RABGAP1L: variants seen among roughly 807,000 people sequenced by gnomAD.
RABGAP1L encodes the protein RAB GTPase activating protein 1 like, also known as rab GTPase-activating protein 1-like.
RABGAP1L carries 63 observed loss-of-function variants against 137.7 expected under a neutral mutation model. The ratio of observed to expected loss-of-function variants is 0.46; its 90% CI spans 0.37 to 0.56. The LOEUF (loss-of-function observed/expected upper bound fraction) is 0.56. RABGAP1L is among the 20% of genes least tolerant of loss of function. The probability of loss-of-function intolerance (pLI) is 0.00; values close to 1 mark genes in which losing one functional copy is unlikely to be tolerated. For missense variants in RABGAP1L, 1,095 were observed against 1,244.0 expected (o/e 0.88, Z 1.80); for synonymous variants, 431 against 433.7 (o/e 0.99, Z 0.08).
At chr1:174,778,584 A>T (rs866373234) in intron 18 of RABGAP1L, among the ~76,000 whole-genome samples, 1 of 151,946 alleles carries the variant, frequency 6.6e-6, no homozygotes, top group African/African-American at 2.4e-5. Context: ...TTCAACAATA[A>T]GTCCTTGAAC....
chr1:174,561,259 A>G (rs1287972901), intron 13 of RABGAP1L, among the ~76,000 whole-genome samples: 1 of 152,230 alleles, frequency 6.6e-6, no homozygotes, highest in Non-Finnish European at 1.5e-5. Flanking sequence ...CCCATTCACA[A>G]TTGCTATAAA....
At chr1:174,418,684 A>G (rs529979028) in intron 13 of RABGAP1L, among the ~76,000 whole-genome samples, 1 of 152,284 alleles carries the variant, frequency 6.6e-6, no homozygotes, top group African/African-American at 2.4e-5. Flanking sequence ...AGTCTCATGA[A>G]AATATGGCAG....
intron 1 of RABGAP1L, among the ~76,000 whole-genome samples, chr1:174,188,281 C>G (rs1198711526): frequency 6.6e-6 from 1 of 152,086 alleles, no homozygotes; most frequent in East Asian, 1.9e-4. Flanking sequence ...CTGAAATGAT[C>G]TTAGGAAGAT....
chr1:174,956,023 T>C (rs1254498372), intron 19 of RABGAP1L, among the ~76,000 whole-genome samples: 1 of 152,256 alleles, frequency 6.6e-6, no homozygotes, highest in Non-Finnish European at 1.5e-5. Flanking sequence ...GAATAAGTTC[T>C]AATACGTTAA....
intron 19 of RABGAP1L, among the ~76,000 whole-genome samples, chr1:174,920,961 C>T (rs1290606393): frequency 4.6e-5 from 7 of 152,074 alleles, no homozygotes; most frequent in East Asian, 1.9e-4. Flanking sequence ...CTTGCTCTGT[C>T]GCCCAGGCTG....
At chr1:174,179,749 T>C (rs1666202774) in intron 1 of RABGAP1L, among the ~76,000 whole-genome samples, 1 of 152,206 alleles carries the variant, frequency 6.6e-6, no homozygotes, top group African/African-American at 2.4e-5. Flanking sequence ...GGAAAATTGC[T>C]CTGACCTTAT....
At chr1:174,408,022 C>T (rs921623311) in intron 13 of RABGAP1L, among the ~76,000 whole-genome samples, 1 of 152,166 alleles carries the variant, frequency 6.6e-6, no homozygotes, top group Non-Finnish European at 1.5e-5. Context: ...CTACATTTAA[C>T]TTTATATAGT....
At chr1:174,841,622 A>T (rs1454840032) in intron 19 of RABGAP1L, among the ~76,000 whole-genome samples, 3 of 152,072 alleles carry the variant, frequency 2.0e-5, no homozygotes, top group Admixed American at 6.6e-5. Context: ...CTGATTTTTT[A>T]AAAATATGAT....
chr1:174,305,092 G>T lies in RABGAP1L; in HGVS notation c.1430G>T (p.Gly477Val). 2 of 1,549,224 alleles carry T rather than the reference G, an allele frequency of 1.3e-6. No homozygotes were observed. The highest frequency in any genetic ancestry group is 1.7e-6 in the Non-Finnish European group (2 of 1,155,994). ...EEPVTPTSGG[G>V]PMSPQDDEAE... is the part of the protein sequence containing the mutation. Reference sequence around the variant, plus strand: ...CCAGTCACTCCTACTAGTGGAGGGGGTCCAATGTCACCCCAGGATGATGAA... The same window carrying T: ...CCAGTCACTCCTACTAGTGGAGGGGTTCCAATGTCACCCCAGGATGATGAA... The change falls in exon 11 of 26, where the codon GGT (glycine) becomes GTT (valine). Residue 477 changes from glycine to valine, a missense_variant. Physicochemically the swap from Gly to Val is moderately radical, Grantham distance 109. This residue lies in a region of RABGAP1L where 315 missense variants were observed against 324.8 expected (regional missense o/e 0.97). Coordinates refer to ENST00000681986, the MANE Select transcript of RABGAP1L (RefSeq NM_001366446.1).
intron 17 of RABGAP1L, among the ~76,000 whole-genome samples, chr1:174,736,734 C>A (rs1180796145): frequency 6.6e-6 from 1 of 152,238 alleles, no homozygotes; most frequent in Non-Finnish European, 1.5e-5. Flanking sequence ...TGCCAAGCAT[C>A]CTTCATGCTT....
chr1:174,855,884 C>T (rs1219738712), intron 19 of RABGAP1L, among the ~76,000 whole-genome samples: 1 of 152,172 alleles, frequency 6.6e-6, no homozygotes, highest in East Asian at 1.9e-4. Flanking sequence ...TCTGCTACCC[C>T]AGATGTGTAG....
intron 11 of RABGAP1L, among the ~76,000 whole-genome samples, chr1:174,347,988 T>G (rs1682607854): frequency 6.6e-6 from 1 of 152,154 alleles, no homozygotes; most frequent in Admixed American, 6.5e-5. Context: ...TATTGGAGAG[T>G]TTAGTCCATT....
chr1:174,792,305 A>T (rs753153717), intron 18 of RABGAP1L, among the ~76,000 whole-genome samples: 1 of 152,200 alleles, frequency 6.6e-6, no homozygotes, highest in Admixed American at 6.5e-5. Context: ...ATACTGTCCA[A>T]AGTGTGTTCT....
rs963363105 is a variant in RABGAP1L, at chr1:174,761,657, C to T, written c.2211+9303C>T. Among the ~76,000 whole-genome samples, 3 of 152,178 alleles carry T rather than the reference C, an allele frequency of 2.0e-5. No individual in the cohort carries two copies. The highest frequency in any genetic ancestry group is 1.3e-4 in the Admixed American group (2 of 15,286). Reference sequence around the variant, plus strand: ...GACAGTGTGGGGGCCGGACAAGGGCCGAACAGAGGCATTCCTCACTTCCCA... The same window carrying T: ...GACAGTGTGGGGGCCGGACAAGGGCTGAACAGAGGCATTCCTCACTTCCCA... On this transcript the variant is annotated intron_variant, in intron 18 of 25. Coordinates refer to ENST00000681986, the MANE Select transcript of RABGAP1L (RefSeq NM_001366446.1). The surrounding 1 kb of genome is among the most constrained non-coding windows in gnomAD (Gnocchi z 4.0).
In RABGAP1L at chr1:174,174,951, A is replaced by G. The variant is rs185168159; in HGVS notation, c.-34+15294A>G. On this transcript the variant is annotated intron_variant, in intron 1 of 25. Coordinates refer to ENST00000681986, the MANE Select transcript of RABGAP1L (RefSeq NM_001366446.1). ...TTTACTAGCTATCTGGGTATCCCCT[A>G]GTTTAGTCAAGTTGACAACTAAAAC... 1.2e-4 allele frequency among the ~76,000 whole-genome samples: 19 copies of G among 152,336 alleles called. No homozygotes were observed. The East Asian group carries it at 1.4e-3, about 11-fold the overall frequency.
intron 19 of RABGAP1L, among the ~76,000 whole-genome samples, chr1:174,854,047 C>G (rs1648838708): frequency 6.6e-6 from 1 of 152,170 alleles, no homozygotes; most frequent in Non-Finnish European, 1.5e-5. Flanking sequence ...GGGAATGAGA[C>G]TTTGAGAAGT....
At chr1:174,326,774 A>G (rs1680472669) in intron 11 of RABGAP1L, among the ~76,000 whole-genome samples, 2 of 152,216 alleles carry the variant, frequency 1.3e-5, no homozygotes, top group Admixed American at 6.5e-5. Context: ...CAAACTGCCA[A>G]AGACAAAGAG....
chr1:174,516,481 T>C (rs1662865775), intron 13 of RABGAP1L, among the ~76,000 whole-genome samples: 1 of 152,106 alleles, frequency 6.6e-6, no homozygotes, highest in African/African-American at 2.4e-5. Context: ...GGCCTCCCAA[T>C]GTGCTGGTAT....
At chr1:174,757,214 C>A in intron 18 of RABGAP1L, 1 of 227,670 alleles carries the variant, frequency 4.4e-6, no homozygotes, top group Non-Finnish European at 9.1e-6. Flanking sequence ...AGAACTTTCC[C>A]CTGTACCACA....
Sources: allele counts gnomAD v4.1 joint callset (sites outside exome capture counted in the v4.1 genomes callset), GRCh38; gene constraint gnomAD v4.1.1; regional missense constraint gnomAD v4.1.1; non-coding constraint Gnocchi (gnomAD v3.1); transcripts MANE v1.5; gene names NCBI Gene and HGNC (gene_info 2026-07-23, HGNC 2026-07-21).